GYS2: variants seen among roughly 807,000 people sequenced by gnomAD.
GYS2 encodes glycogen synthase 2, also known as glycogen [starch] synthase, liver.
Under a neutral mutation model 85.6 loss-of-function variants are expected in GYS2, and 80 were observed. The ratio of observed to expected loss-of-function variants is 0.93; its 90% CI spans 0.78 to 1.13. GYS2 has a LOEUF of 1.13. Ranked by LOEUF, GYS2 falls within the 50% of genes most tolerant of loss-of-function variation. The probability of loss-of-function intolerance (pLI) is 0.00; values close to 1 mark genes in which losing one functional copy is unlikely to be tolerated. For synonymous variants in GYS2, 328 were observed against 300.7 expected, an observed-to-expected ratio of 1.09 and a Z score of -0.94; for missense variants, 881 against 854.9, an observed-to-expected ratio of 1.03 and a Z score of -0.38.
intron 4 of GYS2, among the ~76,000 whole-genome samples, chr12:21,572,388 A>G (rs929876764): frequency 4.6e-5 from 7 of 152,186 alleles, no homozygotes; most frequent in African/African-American, 1.7e-4. Context: ...TGGTTCCTGC[A>G]TCAAAGATTA....
chr12:21,585,966 C>T (rs779884745), intron 1 of GYS2, among the ~76,000 whole-genome samples: 3 of 152,070 alleles, frequency 2.0e-5, no homozygotes, highest in Admixed American at 6.6e-5. Flanking sequence ...AATGTATGAC[C>T]TCAGGGGATG....
chr12:21,591,480 TG>T (rs1415476293), intron 1 of GYS2, among the ~76,000 whole-genome samples: 1 of 152,090 alleles, frequency 6.6e-6, no homozygotes, highest in East Asian at 1.9e-4. Context: ...ACAAAGTGTA[TG>T]TGACATATGA....
chr12:21,556,606 G>C (rs1944182382), intron 11 of GYS2, among the ~76,000 whole-genome samples: 1 of 152,174 alleles, frequency 6.6e-6, no homozygotes, highest in Admixed American at 6.5e-5. Flanking sequence ...AACATCTCAA[G>C]TTCTATATCT....
intron 4 of GYS2, among the ~76,000 whole-genome samples, chr12:21,571,249 C>T (rs931524431): frequency 1.3e-5 from 2 of 152,140 alleles, no homozygotes; most frequent in Admixed American, 6.5e-5. Flanking sequence ...CTGTAGTACG[C>T]GTGGCCACTC....
intron 1 of GYS2, among the ~76,000 whole-genome samples, chr12:21,591,975 AC>A (rs1220465395): frequency 6.6e-6 from 1 of 152,160 alleles, no homozygotes; most frequent in Non-Finnish European, 1.5e-5. Flanking sequence ...GACTGGCTTT[AC>A]AAGAAATATT....
At chr12:21,554,345 C>G (rs1397562568) in intron 11 of GYS2, among the ~76,000 whole-genome samples, 1 of 152,120 alleles carries the variant, frequency 6.6e-6, no homozygotes, top group East Asian at 1.9e-4. Flanking sequence ...CCTTCCTGCT[C>G]TCTCCTCATG....
In GYS2 at chr12:21,578,917, C is replaced by G. The variant is rs576727163; in HGVS notation, c.303+1425G>C. Among the ~76,000 whole-genome samples, 99 of 152,298 alleles carry G rather than the reference C, an allele frequency of 6.5e-4. 1 individual carries two copies. Among genetic ancestry groups the G allele is most frequent in the Non-Finnish European group, 9.8e-4 (67 of 68,032 alleles). On this transcript the variant is annotated intron_variant, in intron 2 of 15. Transcript: ENST00000261195. ...TTTAATAACACACCAATTCTCAAAA[C>G]CATGTCATTCTGCAACTACATTATT... is the stretch of plus-strand genomic sequence containing the variant.
intron 11 of GYS2, among the ~76,000 whole-genome samples, chr12:21,554,254 A>AGGAG (rs1182790748): frequency 4.0e-5 from 6 of 151,658 alleles, no homozygotes; most frequent in African/African-American, 1.5e-4. Context: ...GAGGCAGGGA[A>AGGAG]GGAGGGAGGG....
intron 11 of GYS2, among the ~76,000 whole-genome samples, chr12:21,554,853 T>C (rs1034826496): frequency 4.6e-5 from 7 of 152,198 alleles, no homozygotes; most frequent in African/African-American, 1.7e-4. Flanking sequence ...GTTTCACTGA[T>C]GCAAAACACT....
At chr12:21,568,812 T>G (rs1944352784) in intron 5 of GYS2, 53 bp downstream of exon 5, 1 of 1,507,772 alleles carries the variant, frequency 6.6e-7, no homozygotes, top group Admixed American at 1.7e-5. Context: ...AAAATCCTCA[T>G]AGTGTAACAT....
rs153944 is a variant in GYS2, at chr12:21,604,338, A to G, written c.121+134T>C. 0.99 allele frequency: 730,882 copies of G among 739,752 alleles called. 361,572 individuals carry two copies. The highest frequency in any genetic ancestry group is 1 in the East Asian group (39,720 of 39,720). 45.8% of individuals were successfully genotyped at this position (739,752 alleles called of 1,614,324 possible). Reference sequence around the variant, plus strand: ...AGACAAGGTTAAATGTAGCCTAAATATATATTCCGTTTAAATGCTTTCCTC... The same window carrying G: ...AGACAAGGTTAAATGTAGCCTAAATGTATATTCCGTTTAAATGCTTTCCTC... On this transcript the variant is annotated intron_variant, in intron 1 of 15. Transcript: ENST00000261195.
At chr12:21,549,469 A>T (rs796571640) in intron 11 of GYS2, among the ~76,000 whole-genome samples, 9 of 152,346 alleles carry the variant, frequency 5.9e-5, no homozygotes, top group African/African-American at 2.2e-4. Context: ...ACTACCGTAT[A>T]ATTCTTAAAC....
intron 1 of GYS2, among the ~76,000 whole-genome samples, chr12:21,582,840 A>T (rs1008883145): frequency 1.5e-4 from 23 of 152,192 alleles, no homozygotes; most frequent in African/African-American, 5.1e-4. Flanking sequence ...AATCCTTGGC[A>T]TCAATTGTTT....
In GYS2 at chr12:21,580,433, T is replaced by A; in HGVS notation, c.212A>T (p.Glu71Val). 1 of 1,612,526 alleles carries A rather than the reference T, an allele frequency of 6.2e-7. No homozygotes were observed. Among genetic ancestry groups the A allele is most frequent in the Non-Finnish European group, 8.5e-7 (1 of 1,178,578 alleles). Residue 71 changes from glutamate to valine, a missense_variant, in exon 2 of 16, where the codon GAG becomes GTG. Transcript: ENST00000261195. ...TTCCACCTGAGTCTTCATATTATGCTCAAAATATGGACCTATCAGAAAATA... is the reference window on the plus strand; with the variant it reads ...TTCCACCTGAGTCTTCATATTATGCACAAAATATGGACCTATCAGAAAATA... ...ENYFLIGPYFEHNMKTQVEQC... is the reference protein window; with the variant it reads ...ENYFLIGPYFVHNMKTQVEQC...
Position 21,562,883 on chromosome 12 carries a change from CAA to C in GYS2, c.1062+33_1062+34del, listed in dbSNP as rs775675157. 23 of 1,610,780 alleles carry C rather than the reference CAA, an allele frequency of 1.4e-5. No homozygotes were observed. In the South Asian group the frequency reaches 2.5e-4, roughly 18 times the overall value. On this transcript the variant is annotated intron_variant, in intron 7 of 15. Coordinates refer to ENST00000261195, the MANE Select transcript of GYS2 (RefSeq NM_021957.4). Reference sequence around the variant, plus strand: ...TTCCCACAGAAGAAAGTTCTCCCTACAAGAGTGTTATACCATGTCCTAGAGCT... The same window carrying C: ...TTCCCACAGAAGAAAGTTCTCCCTACGAGTGTTATACCATGTCCTAGAGCT...
intron 10 of GYS2, among the ~76,000 whole-genome samples, chr12:21,558,880 G>A (rs530286139): frequency 7.9e-5 from 12 of 152,062 alleles, no homozygotes; most frequent in African/African-American, 2.6e-4. Flanking sequence ...TAAGCAAGTG[G>A]AAGGACAAGT....
rs185004890 is a variant in GYS2 at position 21,592,407 on chromosome 12, C to G, written c.122-11884G>C. Among the ~76,000 whole-genome samples the G allele has an allele frequency of 4.6e-5, 7 of 152,076 alleles. No homozygotes were observed. The East Asian group carries it at 1.2e-3, about 25-fold the overall frequency. ...TGTAAGCTGCCTATAAGAAACTTAT[C>G]TCACTTGTAAAGATAAATATAGACT... On this transcript the variant is annotated intron_variant, in intron 1 of 15. Transcript: ENST00000261195.
chr12:21,533,382 G>T (rs868148326), downstream of GYS2, among the ~76,000 whole-genome samples: 1 of 152,196 alleles, frequency 6.6e-6, no homozygotes, highest in East Asian at 1.9e-4. Context: ...AAATGAAAAT[G>T]TGTATCTTAC....
intron 11 of GYS2, among the ~76,000 whole-genome samples, chr12:21,550,843 G>C (rs1944100226): frequency 6.6e-6 from 1 of 151,996 alleles, no homozygotes. Flanking sequence ...CAGGAGGTTG[G>C]AGCAGGAGAA....
Sources: allele counts gnomAD v4.1 joint callset (sites outside exome capture counted in the v4.1 genomes callset), GRCh38; gene constraint gnomAD v4.1.1; transcripts MANE v1.5; gene names NCBI Gene and HGNC (gene_info 2026-07-23, HGNC 2026-07-21).